The following LRRN2 variants were observed in gnomAD, a reference collection of about 807,000 sequenced individuals.
LRRN2 encodes leucine-rich repeat neuronal protein 2.
In LRRN2, 10 loss-of-function variants were observed where a neutral mutation model predicts 35.7. That is an observed-to-expected ratio of 0.28 (90% CI 0.17 to 0.47). The LOEUF is 0.47. Ranked by LOEUF, LRRN2 falls within the 20% of genes least tolerant of loss-of-function variation. The pLI, the probability that LRRN2 is intolerant of heterozygous loss-of-function variation, is 0.99. For synonymous variants in LRRN2, 391 were observed against 409.6 expected, an observed-to-expected ratio of 0.95 and a Z score of 0.55; for missense variants, 731 against 940.3, an observed-to-expected ratio of 0.78 and a Z score of 2.91.
chr1:204,675,184 C>T (rs932971240), intron 1 of LRRN2, among the ~76,000 whole-genome samples: 2 of 152,138 alleles, frequency 1.3e-5, no homozygotes, highest in Admixed American at 6.5e-5. Context: ...TCGGAGCCAC[C>T]GAGTTCTGAA....
rs568335287 is a variant in LRRN2 at position 204,638,662 on chromosome 1, G to C, written c.-226-18444C>G. Among the ~76,000 whole-genome samples the C allele has an allele frequency of 1.3e-5, 2 of 151,902 alleles. 1 individual carries two copies. Among genetic ancestry groups the C allele is most frequent in the South Asian group, 4.1e-4 (2 of 4,824 alleles). The stretch of plus-strand genomic sequence containing the variant: ...CCTGACCTCGTGATCCACCCACCTC[G>C]GCCTCCCAAAGTGCTGGGATTACAG... On this transcript the variant is annotated intron_variant, in intron 1 of 1. Transcript: ENST00000367177.
intron 1 of LRRN2, among the ~76,000 whole-genome samples, chr1:204,677,376 C>A (rs1341935184): frequency 6.6e-6 from 1 of 152,118 alleles, no homozygotes; most frequent in Non-Finnish European, 1.5e-5. Context: ...CCAATGGATC[C>A]TAGTCTACTC....
In LRRN2 at chr1:204,631,262, ATATATATATATAT is replaced by A. The variant is rs1296310943; in HGVS notation, c.-226-11057_-226-11045del. Among the ~76,000 whole-genome samples the A allele has an allele frequency of 9.5e-3, 359 of 37,914 alleles. 26 individuals are homozygous for A. Among genetic ancestry groups the A allele is most frequent in the South Asian group, 0.077 (75 of 974 alleles). 24.9% of individuals were successfully genotyped at this position (37,914 alleles called of 152,430 possible). On this transcript the variant is annotated intron_variant, in intron 1 of 1. Coordinates refer to ENST00000367177, the MANE Select transcript of LRRN2 (RefSeq NM_201630.2). Reference sequence around the variant, plus strand: ...GAGTGATACCTAGAGTGTTCTATATATATATATATATATATATATATATATATATATATATATA... The same window carrying A: ...GAGTGATACCTAGAGTGTTCTATATAATATATATATATATATATATATATA...
At chr1:204,657,496 A>G (rs59537785) in intron 1 of LRRN2, among the ~76,000 whole-genome samples, 201 of 152,308 alleles carry the variant, frequency 1.3e-3, no homozygotes, top group African/African-American at 4.5e-3. Flanking sequence ...TACGAATTGT[A>G]TGATTCCATT....
At chr1:204,673,611 A>G (rs1040493251) in intron 1 of LRRN2, among the ~76,000 whole-genome samples, 1 of 152,228 alleles carries the variant, frequency 6.6e-6, no homozygotes, top group Non-Finnish European at 1.5e-5. Context: ...GAGTGACCGA[A>G]AGAGACAGAG....
chr1:204,630,961 C>T (rs967088451), intron 1 of LRRN2, among the ~76,000 whole-genome samples: 7 of 151,924 alleles, frequency 4.6e-5, no homozygotes, highest in Non-Finnish European at 1.0e-4. Context: ...GGTTTCTCAT[C>T]TGCAAAATGA....
chr1:204,684,791 A>G (rs1253861291), intron 1 of LRRN2, among the ~76,000 whole-genome samples: 2 of 151,994 alleles, frequency 1.3e-5, no homozygotes, highest in Non-Finnish European at 2.9e-5. Context: ...TCCTGGTTCC[A>G]GATACTTCAG....
At chr1:204,636,805 A>C (rs1001780937) in intron 1 of LRRN2, among the ~76,000 whole-genome samples, 1 of 152,106 alleles carries the variant, frequency 6.6e-6, no homozygotes, top group African/African-American at 2.4e-5. Flanking sequence ...CCTACCTCCC[A>C]CTCTAGACCA....
chr1:204,681,079 C>T (rs374777897), intron 1 of LRRN2, among the ~76,000 whole-genome samples: 7 of 152,210 alleles, frequency 4.6e-5, no homozygotes, highest in Admixed American at 6.5e-5. Context: ...GCCTCAGCCT[C>T]CCAAGTAGCT....
At chr1:204,668,233 CACT>C (rs781592039) in intron 1 of LRRN2, among the ~76,000 whole-genome samples, 9 of 152,302 alleles carry the variant, frequency 5.9e-5, no homozygotes, top group African/African-American at 7.2e-5. Context: ...CTCCCCCTTC[CACT>C]ACTGTGGATA....
chr1:204,668,582 G>A (rs1449146048), intron 1 of LRRN2, among the ~76,000 whole-genome samples: 12 of 152,092 alleles, frequency 7.9e-5, no homozygotes, highest in African/African-American at 2.4e-5. Flanking sequence ...GTGACAGAGC[G>A]AGACTCTGTC....
intron 1 of LRRN2, among the ~76,000 whole-genome samples, chr1:204,660,152 C>T (rs1668440062): frequency 6.6e-6 from 1 of 152,194 alleles, no homozygotes; most frequent in Admixed American, 6.5e-5. Context: ...AGCTCCATAC[C>T]CTTGGCTTGT....
At chr1:204,652,800 A>G (rs1429491668) in intron 1 of LRRN2, among the ~76,000 whole-genome samples, 2 of 152,218 alleles carry the variant, frequency 1.3e-5, no homozygotes, top group African/African-American at 4.8e-5. Flanking sequence ...CAAGCAGGTG[A>G]TTCCAATGCA....
chr1:204,671,979 C>A (rs897973215), intron 1 of LRRN2, among the ~76,000 whole-genome samples: 1 of 152,166 alleles, frequency 6.6e-6, no homozygotes, highest in South Asian at 2.1e-4. Context: ...TAATCTCACC[C>A]AGGATGATGG....
intron 1 of LRRN2, among the ~76,000 whole-genome samples, chr1:204,652,263 C>CCCCCGCCCCCCCCG (rs71147708): frequency 2.7e-5 from 2 of 73,422 alleles, no homozygotes; most frequent in Non-Finnish European, 4.8e-5. Flanking sequence ...CTTCACCGCC[C>CCCCCGCCCCCCCCG]CCCCCCCGCC....
chr1:204,626,906 C>T (rs189460111), intron 1 of LRRN2: 4 of 152,222 alleles, frequency 2.6e-5, no homozygotes, highest in Middle Eastern at 3.4e-3. Context: ...TTTATACACA[C>T]GCATTTGTGC....
At chr1:204,622,557 TG>T (rs1339454442) in intron 1 of LRRN2, among the ~76,000 whole-genome samples, 4 of 152,114 alleles carry the variant, frequency 2.6e-5, no homozygotes, top group Non-Finnish European at 5.9e-5. Context: ...TACACATGCA[TG>T]CATGCCTGCA....
At chr1:204,671,403 T>A (rs2782519) in intron 1 of LRRN2, among the ~76,000 whole-genome samples, 2 of 122,880 alleles carry the variant, frequency 1.6e-5, no homozygotes, top group Non-Finnish European at 3.4e-5. Flanking sequence ...GTTTGTGTGT[T>A]TGTGTGTGTG....
chr1:204,681,069 G>T (rs768417763), intron 1 of LRRN2, among the ~76,000 whole-genome samples: 1 of 151,494 alleles, frequency 6.6e-6, no homozygotes. Context: ...TGATTCTCCC[G>T]CCTCAGCCTC....
Sources: gnomAD v4.1 joint callset for allele counts (sites outside exome capture counted in the v4.1 genomes callset) on GRCh38, gnomAD v4.1.1 for gene constraint, MANE v1.5 for transcripts, NCBI Gene and HGNC (gene_info 2026-07-23, HGNC 2026-07-21) for gene names.